Variants in RAB3C observed in about 807,000 individuals in gnomAD.
The protein encoded by RAB3C is ras-related protein Rab-3C.
Under a neutral mutation model 26.4 loss-of-function variants are expected in RAB3C, and 17 were observed. The observed-to-expected ratio is 0.64, with a 90% CI of 0.44 to 0.97. The LOEUF (loss-of-function observed/expected upper bound fraction) is 0.97, where lower values mean the gene tolerates loss of function less well. Among genes scored for constraint, RAB3C ranks in the 50% least tolerant of loss-of-function variants. The pLI, the probability that RAB3C is intolerant of heterozygous loss-of-function variation, is 0.00. For missense variants in RAB3C, 242 were observed against 281.9 expected (o/e 0.86, Z 1.01); for synonymous variants, 91 against 95.9 (o/e 0.95, Z 0.30).
intron 1 of RAB3C, among the ~76,000 whole-genome samples, chr5:58,607,968 C>T (rs144489293): frequency 0.025 from 3,861 of 152,250 alleles, 83 homozygotes; most frequent in Admixed American, 0.066. Flanking sequence ...GTACCAGCCA[C>T]TGCAAAAACA....
intron 3 of RAB3C, among the ~76,000 whole-genome samples, chr5:58,816,126 C>A (rs1284428570): frequency 6.6e-6 from 1 of 152,124 alleles, no homozygotes; most frequent in African/African-American, 2.4e-5. Flanking sequence ...ACTTTGGGCC[C>A]CTTACTAAGA....
At chr5:58,601,639 G>A (rs902692116) in intron 1 of RAB3C, among the ~76,000 whole-genome samples, 9 of 152,068 alleles carry the variant, frequency 5.9e-5, no homozygotes, top group Admixed American at 5.2e-4. Flanking sequence ...GCATAAAGGT[G>A]TTCATAGAGC....
intron 2 of RAB3C, among the ~76,000 whole-genome samples, chr5:58,639,069 C>G (rs1747353542): frequency 6.6e-6 from 1 of 152,218 alleles, no homozygotes; most frequent in Non-Finnish European, 1.5e-5. Flanking sequence ...TAACCCTCAT[C>G]TGATAGAAGA....
intron 2 of RAB3C, among the ~76,000 whole-genome samples, chr5:58,710,947 G>A (rs568564666): frequency 7.9e-5 from 12 of 152,154 alleles, no homozygotes; most frequent in Non-Finnish European, 1.5e-4. Flanking sequence ...TGAGATGCGG[G>A]AATCTGCTTT....
At position 58,858,341 on chromosome 5, in the gene RAB3C, G is replaced by A. The variant is rs774282816; in HGVS notation, c.*6990G>A. On this transcript the variant is annotated 3_prime_UTR_variant, in exon 5 of 5. Transcript: ENST00000282878. The stretch of plus-strand genomic sequence containing the variant: ...CAAATTTTTTAAAAAATGGAAGCAG[G>A]TAGCCAATATTAGAATGATAATTTA... The A allele has an allele frequency of 1.3e-5, 2 of 152,140 alleles. No homozygotes were observed. Among genetic ancestry groups the A allele is most frequent in the Admixed American group, 6.6e-5 (1 of 15,260 alleles). The allele number at this position is 152,140 out of a possible 1,614,324, so 9.4% of individuals were successfully genotyped here.
chr5:58,752,134 A>C (rs1741544771), intron 3 of RAB3C, among the ~76,000 whole-genome samples: 1 of 152,226 alleles, frequency 6.6e-6, no homozygotes, highest in Non-Finnish European at 1.5e-5. Flanking sequence ...TACTGAAATC[A>C]CTTCTTGAAA....
intron 3 of RAB3C, among the ~76,000 whole-genome samples, chr5:58,819,833 A>G (rs1374653037): frequency 6.6e-6 from 1 of 152,086 alleles, no homozygotes; most frequent in East Asian, 1.9e-4. Context: ...GAGCCACTGT[A>G]CTCCAACCTG....
At chr5:58,758,233 G>A (rs1204355667) in intron 3 of RAB3C, among the ~76,000 whole-genome samples, 1 of 152,022 alleles carries the variant, frequency 6.6e-6, no homozygotes, top group Non-Finnish European at 1.5e-5. Flanking sequence ...CGTGAGCCAC[G>A]GTGCCCGGCC....
intron 1 of RAB3C, among the ~76,000 whole-genome samples, chr5:58,596,764 A>T (rs58080083): frequency 0.015 from 690 of 44,736 alleles, 17 homozygotes; most frequent in African/African-American, 0.033. Context: ...ATATATAAAT[A>T]TATAATATAT....
intron 3 of RAB3C, among the ~76,000 whole-genome samples, chr5:58,806,879 G>T (rs971487143): frequency 1.3e-5 from 2 of 152,158 alleles, no homozygotes; most frequent in African/African-American, 4.8e-5. Context: ...AAACCAGACA[G>T]CTTTCATCAC....
intron 1 of RAB3C, among the ~76,000 whole-genome samples, chr5:58,598,953 T>C (rs960102130): frequency 6.6e-6 from 1 of 152,180 alleles, no homozygotes; most frequent in African/African-American, 2.4e-5. Context: ...GAAGCCTCAC[T>C]TGAGCGTTTA....
chr5:58,837,795 G>A (rs1190329772), intron 4 of RAB3C, among the ~76,000 whole-genome samples: 2 of 151,782 alleles, frequency 1.3e-5, no homozygotes, highest in African/African-American at 4.8e-5. Context: ...CTGAACTCAA[G>A]TGATCCACCC....
At chr5:58,848,630 T>C (rs1744052850) in intron 4 of RAB3C, 1 of 152,250 alleles carries the variant, frequency 6.6e-6, no homozygotes, top group African/African-American at 2.4e-5. Flanking sequence ...ACCTATTATA[T>C]AGTAATCATT....
At chr5:58,627,515 A>AAAAAAAAAAAAAGC in intron 2 of RAB3C, among the ~76,000 whole-genome samples, 1 of 60,574 alleles carries the variant, frequency 1.7e-5, no homozygotes, top group Non-Finnish European at 3.3e-5. Context: ...AAAAAAAAAA[A>AAAAAAAAAAAAAGC]AAAACACAGC....
intron 3 of RAB3C, among the ~76,000 whole-genome samples, chr5:58,753,941 G>A (rs1741590589): frequency 6.6e-6 from 1 of 152,144 alleles, no homozygotes. Context: ...AATTTTCTGT[G>A]TTGAGGGGAA....
intron 2 of RAB3C, among the ~76,000 whole-genome samples, chr5:58,673,672 G>T (rs1256753028): frequency 6.6e-6 from 1 of 152,178 alleles, no homozygotes; most frequent in Admixed American, 6.5e-5. Flanking sequence ...TGGTTGACGT[G>T]TGTGGTGTGA....
chr5:58,845,612 A>ATATATATATATATATGTGTGTGTGTG, intron 4 of RAB3C, among the ~76,000 whole-genome samples: 3,827 of 78,478 alleles, frequency 0.049, 160 homozygotes, highest in Non-Finnish European at 0.059. Flanking sequence ...ATATATATAT[A>ATATATATATATATATGTGTGTGTGTG]TGTGTGTGTG....
chr5:58,640,586 A>G (rs1290089502), intron 2 of RAB3C, among the ~76,000 whole-genome samples: 1 of 152,218 alleles, frequency 6.6e-6, no homozygotes, highest in Non-Finnish European at 1.5e-5. Flanking sequence ...AATTACTTCC[A>G]TGATGCTCAG....
intron 3 of RAB3C, among the ~76,000 whole-genome samples, chr5:58,798,843 A>G (rs184012738): frequency 3.9e-5 from 6 of 152,218 alleles, no homozygotes; most frequent in South Asian, 2.1e-4. Flanking sequence ...ACCTGAATCC[A>G]GTTGTGAGGA....
Sources: allele counts gnomAD v4.1 joint callset (sites outside exome capture counted in the v4.1 genomes callset), GRCh38; gene constraint gnomAD v4.1.1; transcripts MANE v1.5; gene names NCBI Gene and HGNC (gene_info 2026-07-23, HGNC 2026-07-21).